RGS7: variants seen among roughly 807,000 people sequenced by gnomAD.
RGS7 encodes the protein regulator of G protein signaling 7.
Under a neutral mutation model 81.1 loss-of-function variants are expected in RGS7, and 27 were observed. The observed-to-expected ratio is 0.33, with a 90% CI of 0.25 to 0.46. The LOEUF (loss-of-function observed/expected upper bound fraction) is 0.46, where lower values mean the gene tolerates loss of function less well. Among genes scored for constraint, RGS7 ranks in the 20% least tolerant of loss-of-function variants. The probability of loss-of-function intolerance (pLI) is 1.00; values close to 1 mark genes in which losing one functional copy is unlikely to be tolerated. For missense variants in RGS7, 396 were observed against 607.4 expected (o/e 0.65, Z 3.66); for synonymous variants, 208 against 207.7 (o/e 1.00, Z -0.01).
chr1:241,072,721 C>T (rs1346965812), intron 3 of RGS7, among the ~76,000 whole-genome samples: 2 of 152,064 alleles, frequency 1.3e-5, no homozygotes, highest in African/African-American at 4.8e-5. Flanking sequence ...TATTTATGCA[C>T]CTGTCTTTTC....
chr1:240,996,164 A>G (rs1687254930), intron 3 of RGS7, among the ~76,000 whole-genome samples: 1 of 152,094 alleles, frequency 6.6e-6, no homozygotes, highest in Non-Finnish European at 1.5e-5. Flanking sequence ...TACTTGGTAT[A>G]ATGTCTGTTT....
At chr1:240,853,100 ATAAC>A (rs1660401624) in intron 9 of RGS7, among the ~76,000 whole-genome samples, 1 of 152,234 alleles carries the variant, frequency 6.6e-6, no homozygotes. Context: ...CATCATATGA[ATAAC>A]TAAGGTAATG....
At chr1:240,853,400 G>A (rs189877369) in intron 9 of RGS7, among the ~76,000 whole-genome samples, 241 of 152,254 alleles carry the variant, frequency 1.6e-3, no homozygotes, top group African/African-American at 5.2e-3. Context: ...CAACGACAGC[G>A]TAAGATACAA....
chr1:240,881,170 TA>T (rs1477650357), intron 6 of RGS7, among the ~76,000 whole-genome samples: 2 of 152,030 alleles, frequency 1.3e-5, no homozygotes, highest in Admixed American at 1.3e-4. Flanking sequence ...GATGCAGCCA[TA>T]AAAAAGGATG....
intron 3 of RGS7, among the ~76,000 whole-genome samples, chr1:241,061,599 T>C (rs1433467297): frequency 1.3e-5 from 2 of 152,132 alleles, no homozygotes. Context: ...ATAGGGTGCT[T>C]GGGAGCACGC....
chr1:240,818,024 C>T (rs1691131923), intron 10 of RGS7, among the ~76,000 whole-genome samples: 1 of 152,142 alleles, frequency 6.6e-6, no homozygotes, highest in Non-Finnish European at 1.5e-5. Context: ...CTTGCCCTAC[C>T]ACCAGAACCT....
In RGS7 at chr1:241,355,900, C is replaced by T. The variant is rs1160944445; in HGVS notation, c.-50-74G>A. 4 of 808,884 alleles carry T rather than the reference C, an allele frequency of 4.9e-6. No homozygotes were observed. In the African/African-American group the frequency reaches 6.7e-5, roughly 14 times the overall value. 50.1% of individuals were successfully genotyped at this position (808,884 alleles called of 1,614,324 possible). ...GATTCATCATCATCATTCACAGCAC[C>T]CACCCCACATGGCGCGTTCTTACAA... On this transcript the variant is annotated intron_variant, in intron 1 of 18. Coordinates refer to ENST00000440928, the MANE Select transcript of RGS7 (RefSeq NM_001364886.1).
chr1:241,227,501 G>A (rs1472937677), intron 2 of RGS7, among the ~76,000 whole-genome samples: 1 of 147,146 alleles, frequency 6.8e-6, no homozygotes, highest in Non-Finnish European at 1.5e-5. Flanking sequence ...GAGAGGCTCA[G>A]ATGGGAGGAT....
downstream of RGS7, among the ~76,000 whole-genome samples, chr1:240,774,794 G>T (rs1035001397): frequency 6.6e-6 from 1 of 152,008 alleles, no homozygotes; most frequent in Admixed American, 6.6e-5. Flanking sequence ...GGCCCTCCTC[G>T]TCCACAGGTT....
chr1:240,830,375 C>A (rs1693614854), intron 9 of RGS7, among the ~76,000 whole-genome samples: 1 of 152,146 alleles, frequency 6.6e-6, no homozygotes. Flanking sequence ...TGAGATGGTA[C>A]CTGTTGCAAC....
chr1:240,985,819 A>G (rs1685572529), intron 3 of RGS7, among the ~76,000 whole-genome samples: 1 of 152,154 alleles, frequency 6.6e-6, no homozygotes, highest in Non-Finnish European at 1.5e-5. Context: ...TATTGGAACC[A>G]GAAGACTGAA....
At chr1:241,239,507 C>T (rs570487468) in intron 2 of RGS7, among the ~76,000 whole-genome samples, 8 of 152,222 alleles carry the variant, frequency 5.3e-5, no homozygotes, top group South Asian at 2.1e-4. Flanking sequence ...ACTTTTTAGC[C>T]GTCTATAATC....
At chr1:240,852,565 C>T (rs1333361429) in intron 9 of RGS7, among the ~76,000 whole-genome samples, 1 of 152,078 alleles carries the variant, frequency 6.6e-6, no homozygotes, top group East Asian at 1.9e-4. Flanking sequence ...AGGAATAAAA[C>T]CTGGTACCTG....
Position 240,775,910 on chromosome 1 carries a change from C to G in RGS7, c.*310G>C. 1 of 481,588 alleles carries G rather than the reference C, an allele frequency of 2.1e-6. No individual in the cohort carries two copies. The highest frequency in any genetic ancestry group is 2.7e-5 in the South Asian group (1 of 36,704). The allele number at this position is 481,588 out of a possible 1,614,324, so 29.8% of individuals were successfully genotyped here. On this transcript the variant is annotated 3_prime_UTR_variant, in exon 19 of 19. Coordinates refer to ENST00000440928, the MANE Select transcript of RGS7 (RefSeq NM_001364886.1). ...AGGAAAAAAAGAAAAGGTTTTACTT[C>G]ACTTGAACTTGTTAAAAAGGAAGAG...
At chr1:241,109,729 A>AG (rs1427327959) in intron 2 of RGS7, among the ~76,000 whole-genome samples, 17 of 152,092 alleles carry the variant, frequency 1.1e-4, no homozygotes, top group Admixed American at 2.6e-4. Context: ...AGGCTGAGGC[A>AG]GGTGGATCGC....
chr1:241,100,311 C>CT (rs2064632069), intron 2 of RGS7, among the ~76,000 whole-genome samples: 1 of 141,494 alleles, frequency 7.1e-6, no homozygotes, highest in Non-Finnish European at 1.5e-5. Context: ...GGAGGCAGAG[C>CT]TTGCAGTGAG....
At chr1:241,206,296 C>T (rs1430607361) in intron 2 of RGS7, among the ~76,000 whole-genome samples, 1 of 149,426 alleles carries the variant, frequency 6.7e-6, no homozygotes, top group Non-Finnish European at 1.5e-5. Flanking sequence ...TGGCGCTCGG[C>T]TCACTGCAGC....
At chr1:240,785,070 G>C (rs1167270907) in intron 18 of RGS7, among the ~76,000 whole-genome samples, 1 of 152,190 alleles carries the variant, frequency 6.6e-6, no homozygotes, top group Non-Finnish European at 1.5e-5. Flanking sequence ...ACCAGGGATA[G>C]GCAGTGCTCT....
intron 3 of RGS7, among the ~76,000 whole-genome samples, chr1:241,067,335 C>T (rs1269384828): frequency 1.4e-4 from 22 of 152,044 alleles, no homozygotes. Context: ...CCTAGCCTGA[C>T]ATTTAGTAGG....
Sources: allele counts gnomAD v4.1 joint callset (sites outside exome capture counted in the v4.1 genomes callset), GRCh38; gene constraint gnomAD v4.1.1; transcripts MANE v1.5; gene names NCBI Gene and HGNC (gene_info 2026-07-23, HGNC 2026-07-21).